Variants in EGFR observed in about 807,000 individuals in gnomAD.
EGFR encodes avian erythroblastic leukemia viral (v-erb-b) oncogene homolog.
Under a neutral mutation model 143.0 loss-of-function variants are expected in EGFR, and 58 were observed. The ratio of observed to expected loss-of-function variants is 0.41; its 90% CI spans 0.33 to 0.50. The LOEUF is 0.50. Ranked by LOEUF, EGFR falls within the 20% of genes least tolerant of loss-of-function variation. EGFR has a pLI of 0.39. For missense variants in EGFR, 1,307 were observed against 1,579.0 expected, an observed-to-expected ratio of 0.83 and a Z score of 2.92; for synonymous variants, 613 against 594.4, an observed-to-expected ratio of 1.03 and a Z score of -0.45.
chr7:55,146,874 G>C (rs1287393880), intron 4 of EGFR, 134 bp downstream of exon 4: 3 of 1,290,582 alleles, frequency 2.3e-6, no homozygotes, highest in East Asian at 5.0e-5. Flanking sequence ...CAAAATATCT[G>C]ACCACTAGAA....
chr7:55,095,977 G>A (rs958830985), intron 1 of EGFR, among the ~76,000 whole-genome samples: 1 of 148,678 alleles, frequency 6.7e-6, no homozygotes, highest in Admixed American at 6.7e-5. Context: ...ACACAGACAC[G>A]GGCACACACA....
At chr7:55,098,388 G>A (rs999783463) in intron 1 of EGFR, among the ~76,000 whole-genome samples, 8 of 152,156 alleles carry the variant, frequency 5.3e-5, no homozygotes, top group African/African-American at 1.9e-4. Context: ...GTCAGGAACT[G>A]CTCAGAGACG....
In EGFR at chr7:55,152,582, G is replaced by C. The variant is rs751295137; in HGVS notation, c.665G>C (p.Arg222Pro). The C allele has an allele frequency of 6.2e-7, 1 of 1,613,716 alleles. No individual in the cohort carries two copies. Among genetic ancestry groups the C allele is most frequent in the Non-Finnish European group, 8.5e-7 (1 of 1,180,046 alleles). Residue 222 changes from arginine to proline, a missense_variant, in exon 6 of 28, where the codon CGC becomes CCC. Physicochemically the swap from Arg to Pro is moderately radical, Grantham distance 103. Transcript: ENST00000275493. The stretch of plus-strand genomic sequence containing the variant: ...ATCTGTGCCCAGCAGTGCTCCGGGC[G>C]CTGCCGTGGCAAGTCCCCCAGTGAC... Reference protein sequence around the residue: ...KIICAQQCSGRCRGKSPSDCC... With the variant: ...KIICAQQCSGPCRGKSPSDCC...
chr7:55,206,887 T>C lies in EGFR; in HGVS notation c.*1270T>C. 1 of 233,290 alleles carries C rather than the reference T, an allele frequency of 4.3e-6. No individual in the cohort carries two copies. Among genetic ancestry groups the C allele is most frequent in the East Asian group, 6.0e-5 (1 of 16,592 alleles). 14.5% of individuals were successfully genotyped at this position (233,290 alleles called of 1,614,324 possible). On this transcript the variant is annotated 3_prime_UTR_variant, in exon 28 of 28. Coordinates refer to ENST00000275493, the MANE Select transcript of EGFR (RefSeq NM_005228.5). ...ACAGGTGCGAATGACAGTAGCATTA[T>C]GAGTAGTGTGGAATTCAGGTAGTAA...
intron 23 of EGFR, 127 bp downstream of exon 23, chr7:55,198,990 C>A: frequency 8.0e-7 from 1 of 1,251,646 alleles, no homozygotes; most frequent in Non-Finnish European, 1.1e-6. Flanking sequence ...CACACAAATC[C>A]AGAAACATCT....
At chr7:55,173,207 G>A (rs2128952900) in intron 17 of EGFR, 83 bp downstream of exon 17, 2 of 1,564,000 alleles carry the variant, frequency 1.3e-6, no homozygotes, top group Non-Finnish European at 8.7e-7. Flanking sequence ...GCCATTAGCA[G>A]TTGTGTATGT....
chr7:55,095,809 C>T (rs10447908), intron 1 of EGFR, among the ~76,000 whole-genome samples: 28,922 of 151,046 alleles, frequency 0.19, 2,915 homozygotes, highest in South Asian at 0.42. Context: ...CACAGGCACA[C>T]ACACAGAGAG....
At chr7:55,037,879 TCTAA>T (rs1787684764) in intron 1 of EGFR, among the ~76,000 whole-genome samples, 2 of 152,180 alleles carry the variant, frequency 1.3e-5, no homozygotes, top group African/African-American at 4.8e-5. Context: ...GAATGCTGAT[TCTAA>T]CTAAGAAGGA....
chr7:55,132,702 A>G (rs1350960291), intron 1 of EGFR, among the ~76,000 whole-genome samples: 1 of 152,134 alleles, frequency 6.6e-6, no homozygotes, highest in Admixed American at 6.5e-5. Context: ...ACACCTCTAC[A>G]CTGCATGGCT....
intron 15 of EGFR, among the ~76,000 whole-genome samples, chr7:55,165,948 C>T (rs1207522834): frequency 1.3e-5 from 2 of 152,178 alleles, no homozygotes; most frequent in Non-Finnish European, 2.9e-5. Flanking sequence ...GATTCCAAGG[C>T]AGGCAGATCA....
chr7:55,064,708 A>T (rs1789398944), intron 1 of EGFR, among the ~76,000 whole-genome samples: 1 of 152,258 alleles, frequency 6.6e-6, no homozygotes, highest in Non-Finnish European at 1.5e-5. Context: ...ACCATTATAT[A>T]ACAAGATAAA....
At chr7:55,168,443 A>G (rs899891467) in intron 15 of EGFR, 2 of 921,620 alleles carry the variant, frequency 2.2e-6, no homozygotes, top group African/African-American at 1.6e-5. Context: ...TTTGCCAAAT[A>G]TAGAAAGAGG....
intron 1 of EGFR, among the ~76,000 whole-genome samples, chr7:55,111,064 T>C (rs566745702): frequency 6.6e-6 from 1 of 152,240 alleles, no homozygotes; most frequent in African/African-American, 2.4e-5. Context: ...TCAGAAACCA[T>C]AGAAATTGGA....
At chr7:55,179,543 G>A (rs1786761766) in intron 19 of EGFR, among the ~76,000 whole-genome samples, 1 of 152,200 alleles carries the variant, frequency 6.6e-6, no homozygotes, top group African/African-American at 2.4e-5. Context: ...CTGGGGAGAA[G>A]GTGGGCAGGA....
chr7:55,177,481 C>G (rs538108856), intron 19 of EGFR, among the ~76,000 whole-genome samples: 1 of 152,310 alleles, frequency 6.6e-6, no homozygotes, highest in South Asian at 2.1e-4. Context: ...ACACTGCAGC[C>G]CCAGTTCCAT....
At chr7:55,049,799 C>G (rs868584937) in intron 1 of EGFR, among the ~76,000 whole-genome samples, 3 of 152,194 alleles carry the variant, frequency 2.0e-5, no homozygotes, top group Non-Finnish European at 4.4e-5. Flanking sequence ...CCCTTGCTTA[C>G]AGATTGCATG....
At chr7:55,045,134 G>A (rs10488137) in intron 1 of EGFR, among the ~76,000 whole-genome samples, 7,386 of 152,296 alleles carry the variant, frequency 0.048, 307 homozygotes, top group South Asian at 0.16. Context: ...AAGAGAATAA[G>A]TAAGTTATGG....
intron 20 of EGFR, among the ~76,000 whole-genome samples, chr7:55,187,587 G>A (rs969674372): frequency 1.3e-5 from 2 of 152,232 alleles, no homozygotes; most frequent in African/African-American, 4.8e-5. Flanking sequence ...CCGAGGTCTA[G>A]CACTTACTCT....
chr7:55,126,207 A>T (rs1417388322), intron 1 of EGFR, among the ~76,000 whole-genome samples: 1 of 152,174 alleles, frequency 6.6e-6, no homozygotes, highest in East Asian at 1.9e-4. Context: ...TGATGTTGTG[A>T]TGATTCAGTG....
Sources: gnomAD v4.1 joint callset for allele counts (sites outside exome capture counted in the v4.1 genomes callset) on GRCh38, gnomAD v4.1.1 for gene constraint, MANE v1.5 for transcripts, NCBI Gene and HGNC (gene_info 2026-07-23, HGNC 2026-07-21) for gene names.